SPEG: variants seen among roughly 807,000 people sequenced by gnomAD.
The protein encoded by SPEG is striated muscle enriched protein kinase, also known as striated muscle preferentially expressed protein kinase.
In SPEG, 114 loss-of-function variants were observed where a neutral mutation model predicts 300.4. The ratio of observed to expected loss-of-function variants is 0.38; its 90% CI spans 0.33 to 0.44. The LOEUF (loss-of-function observed/expected upper bound fraction) is 0.44, where lower values mean the gene tolerates loss of function less well. Among genes scored for constraint, SPEG ranks in the 20% least tolerant of loss-of-function variants. SPEG has a pLI of 1.00. For synonymous variants in SPEG, 1,964 were observed against 2,018.9 expected (o/e 0.97, Z 0.73); for missense variants, 4,201 against 4,586.2 (o/e 0.92, Z 2.43).
rs752689190 is a variant in SPEG, at chr2:219,477,009, G to A, written c.4560+27G>A. 1 of 1,565,200 alleles carries A rather than the reference G, an allele frequency of 6.4e-7. No homozygotes were observed. The highest frequency in any genetic ancestry group is 1.7e-5 in the Admixed American group (1 of 57,518). On this transcript the variant is annotated intron_variant, in intron 19 of 40. Coordinates refer to ENST00000312358, the MANE Select transcript of SPEG (RefSeq NM_005876.5). The surrounding 1 kb of genome is among the most constrained non-coding windows in gnomAD (Gnocchi z 6.4). The stretch of plus-strand genomic sequence containing the variant: ...TCAGAGTGTGCTGCTGGCTGAGCCT[G>A]GGGGAGGGAGGAGGGGCTCCCTGGG...
intron 4 of SPEG, 120 bp downstream of exon 4, chr2:219,449,391 C>A: frequency 1.3e-6 from 1 of 768,964 alleles, no homozygotes; most frequent in Non-Finnish European, 1.8e-6. Context: ...TGCTAGCCAG[C>A]TGCAAGGGTG....
Position 219,471,830 on chromosome 2 carries a change from C to T in SPEG, c.3716-38C>T, listed in dbSNP as rs144263966. ...TGGGCCTACCCCTCAAGGTATCCTC[C>T]GGGCTCAGGCCCAGTGTCACTGTCC... On this transcript the variant is annotated intron_variant, in intron 13 of 40. Coordinates refer to ENST00000312358, the MANE Select transcript of SPEG (RefSeq NM_005876.5). 382 of 1,612,262 alleles carry T rather than the reference C, an allele frequency of 2.4e-4. 1 individual carries two copies. The Middle Eastern group carries it at 3.1e-3, about 13-fold the overall frequency.
In SPEG at chr2:219,479,112, C is replaced by T. The variant is rs1278537985; in HGVS notation, c.5028-32C>T. The T allele has an allele frequency of 6.2e-7, 1 of 1,608,972 alleles. No homozygotes were observed. Among genetic ancestry groups the T allele is most frequent in the African/African-American group, 1.3e-5 (1 of 74,978 alleles). ...GCTGGGCTGGGCCGGGCAGTTGGCA[C>T]TGGGCACTGTTCTCCTTGATCTGGG... On this transcript the variant is annotated intron_variant, in intron 22 of 40. Coordinates refer to ENST00000312358, the MANE Select transcript of SPEG (RefSeq NM_005876.5). The surrounding 1 kb of genome is among the most constrained non-coding windows in gnomAD (Gnocchi z 5.5).
rs754856838 is a variant in SPEG, at chr2:219,483,646, C to T, written c.6183C>T (p.Gly2061=). The change falls in exon 30 of 41, where the codon GGC becomes GGT. Residue 2061 remains glycine, a synonymous_variant. Transcript: ENST00000312358. ...TRLARGGLGE[G]EYAQRLQALR... ...TGGCCCGGGGAGGCCTGGGTGAGGG[C>T]GAGTATGCCCAGAGGCTGCAGGCCC... 2.6e-6 allele frequency: 4 copies of T among 1,528,028 alleles called. No individual in the cohort carries two copies. The highest frequency in any genetic ancestry group is 2.3e-4 in the Middle Eastern group (1 of 4,444). The allele number at this position is 1,528,028 out of a possible 1,614,324, so 94.7% of individuals were successfully genotyped here.
chr2:219,492,053 T>G, intron 39 of SPEG, 58 bp from the exon 40 acceptor site: 1 of 1,558,970 alleles, frequency 6.4e-7, no homozygotes, highest in Non-Finnish European at 8.7e-7. Context: ...AATGTCCTTC[T>G]GGGTCTGGGT....
intron 37 of SPEG, 29 bp downstream of exon 37, chr2:219,490,677 G>A (rs1033873188): frequency 1.2e-6 from 2 of 1,609,528 alleles, no homozygotes; most frequent in African/African-American, 2.7e-5. Flanking sequence ...GGAGTAGGGA[G>A]GAAGAGGTAG....
Position 219,476,976 on chromosome 2 carries a change from G to A in SPEG, c.4554G>A (p.Trp1518Ter). 6.2e-7 allele frequency: 1 copy of A among 1,608,262 alleles called. No individual in the cohort carries two copies. Among genetic ancestry groups the A allele is most frequent in the Non-Finnish European group, 8.5e-7 (1 of 1,176,818 alleles). ...GAAAACCACTGCCGGACATCATGTG[G>A]TACAAGGTCAGAGTGTGCTGCTGGC... ...VEGKPLPDIM[W>*]YKDEVLLTES... The change falls in exon 19 of 41, where the codon TGG becomes TGA. Residue 1518 changes from tryptophan to a stop codon, truncating the protein, a stop_gained. Transcript: ENST00000312358. LOFTEE classifies it high-confidence loss of function.
In SPEG at chr2:219,473,823, G is replaced by A. The variant is rs765708100; in HGVS notation, c.4367G>A (p.Arg1456His). The change falls in exon 18 of 41, where the codon CGC becomes CAC. Residue 1456 changes from arginine to histidine, a missense_variant. By Grantham distance (29) the Arg-to-His change is conservative. Coordinates refer to ENST00000312358, the MANE Select transcript of SPEG (RefSeq NM_005876.5). This position sits in a 1 kb window ranked among gnomAD's most constrained non-coding sequence, Gnocchi z 4.6. ...QYCLRICRVS[R>H]RDMGALTCTA... ...TGTCTTCGGATCTGCCGGGTGAGCC[G>A]CCGGGACATGGGGGCCCTCACCTGC... 8.7e-6 allele frequency: 14 copies of A among 1,613,862 alleles called. No homozygotes were observed. The East Asian group carries it at 1.3e-4, about 15-fold the overall frequency.
Position 219,448,574 on chromosome 2 carries a change from G to A in SPEG, c.1416G>A (p.Gln472=). The A allele has an allele frequency of 5.5e-6, 8 of 1,453,058 alleles. No individual in the cohort carries two copies. Among genetic ancestry groups the A allele is most frequent in the Non-Finnish European group, 7.2e-6 (8 of 1,110,468 alleles). 90.0% of individuals were successfully genotyped at this position (1,453,058 alleles called of 1,614,324 possible). ...CCGAGCGGCGCCGCCTGTTCCAGCA[G>A]AAAGCGGCCTCGCTGGACGAGCGCA... is the stretch of plus-strand genomic sequence containing the variant. ...SVAERRRLFQ[Q]KAASLDERTR... Residue 472 remains glutamine (Q), a synonymous_variant, in exon 4 of 41, where the codon CAG becomes CAA. Coordinates refer to ENST00000312358, the MANE Select transcript of SPEG (RefSeq NM_005876.5).
Position 219,477,026 on chromosome 2 carries a change from C to T in SPEG, c.4560+44C>T, listed in dbSNP as rs1692410060. The T allele has an allele frequency of 6.6e-7, 1 of 1,510,854 alleles. No individual in the cohort carries two copies. Among genetic ancestry groups the T allele is most frequent in the Non-Finnish European group, 9.1e-7 (1 of 1,104,486 alleles). 93.6% of individuals were successfully genotyped at this position (1,510,854 alleles called of 1,614,324 possible). On this transcript the variant is annotated intron_variant, in intron 19 of 40. Coordinates refer to ENST00000312358, the MANE Select transcript of SPEG (RefSeq NM_005876.5). This position sits in a 1 kb window ranked among gnomAD's most constrained non-coding sequence, Gnocchi z 6.4. Reference sequence around the variant, plus strand: ...CTGAGCCTGGGGGAGGGAGGAGGGGCTCCCTGGGGGCGTGGGAGGGTCCTG... The same window carrying T: ...CTGAGCCTGGGGGAGGGAGGAGGGGTTCCCTGGGGGCGTGGGAGGGTCCTG...
At chr2:219,488,436 T>C (rs1209093402) in intron 32 of SPEG, 62 bp from the exon 33 acceptor site, 2 of 1,517,806 alleles carry the variant, frequency 1.3e-6, no homozygotes, top group Admixed American at 4.0e-5. Flanking sequence ...GGGGAGTGAG[T>C]GAGGGGGCCT....
chr2:219,435,400 C>T (rs1424144076), intron 1 of SPEG, 35 bp downstream of exon 1: 3 of 1,510,638 alleles, frequency 2.0e-6, no homozygotes, highest in South Asian at 1.2e-5. Context: ...CCGGCAGGGG[C>T]GGGGTGCTCA....
chr2:219,466,452 A>G, intron 9 of SPEG: 1 of 1,217,476 alleles, frequency 8.2e-7, no homozygotes, highest in Non-Finnish European at 1.0e-6. Context: ...CAGTCAGGGA[A>G]GGATGCCTCG....
Position 219,492,860 on chromosome 2 carries a change from C to T in SPEG, c.*74C>T, listed in dbSNP as rs1302324820. 6.8e-6 allele frequency: 10 copies of T among 1,462,894 alleles called. No homozygotes were observed. Among genetic ancestry groups the T allele is most frequent in the African/African-American group, 5.6e-5 (4 of 71,534 alleles). The allele number at this position is 1,462,894 out of a possible 1,614,324, so 90.6% of individuals were successfully genotyped here. Reference sequence around the variant, plus strand: ...ATGCCACGGGACATTCCAGGGCCCACGCTGAGCCAGGCGGGCCTGGGGCTT... The same window carrying T: ...ATGCCACGGGACATTCCAGGGCCCATGCTGAGCCAGGCGGGCCTGGGGCTT... On this transcript the variant is annotated 3_prime_UTR_variant, in exon 41 of 41. Coordinates refer to ENST00000312358, the MANE Select transcript of SPEG (RefSeq NM_005876.5).
chr2:219,485,239 C>T, intron 30 of SPEG, 107 bp from the exon 31 acceptor site: 1 of 1,501,774 alleles, frequency 6.7e-7, no homozygotes, highest in Non-Finnish European at 9.0e-7. Context: ...GGCGGCAGGG[C>T]TGGGTGGGCT....
Position 219,468,599 on chromosome 2 carries a change from G to A in SPEG, c.3164G>A (p.Arg1055Gln), listed in dbSNP as rs35181232. The change falls in exon 11 of 41, where the codon CGG becomes CAG. Residue 1055 changes from arginine (R) to glutamine (Q), a missense_variant. By Grantham distance (43) the Arg-to-Gln change is conservative (BLOSUM62 1). This residue lies in a region of SPEG where 1,047 missense variants were observed against 1,356.8 expected (regional missense o/e 0.77). Transcript: ENST00000312358. ...TAKDELTCSA[R>Q]LTVRPSLAPL... is the part of the protein sequence containing the mutation. ...ACAGATGAGCTGACCTGCAGTGCCC[G>A]GCTGACCGTGCGGCCCTCGTTGGCA... 17,664 of 1,613,274 alleles carry A rather than the reference G, an allele frequency of 0.011. 136 individuals carry two copies. Among genetic ancestry groups the A allele is most frequent in the South Asian group, 0.014 (1,280 of 91,048 alleles).
chr2:219,434,907 A>T lies in SPEG; in HGVS notation c.-71A>T. 1 of 1,146,588 alleles carries T rather than the reference A, an allele frequency of 8.7e-7. No homozygotes were observed. The highest frequency in any genetic ancestry group is 1.2e-6 in the Non-Finnish European group (1 of 845,202). 71.0% of individuals were successfully genotyped at this position (1,146,588 alleles called of 1,614,324 possible). On this transcript the variant is annotated 5_prime_UTR_variant, in exon 1 of 41. Transcript: ENST00000312358. ...CGCCGGCCCCCCAGACTTGTCTCCT[A>T]GGGCACCGTCCCGCGGGTGCCCCCG...
Position 219,481,515 on chromosome 2 carries a change from C to A in SPEG, c.5522+59C>A. On this transcript the variant is annotated intron_variant, in intron 27 of 40. Coordinates refer to ENST00000312358, the MANE Select transcript of SPEG (RefSeq NM_005876.5). The surrounding 1 kb of genome is among the most constrained non-coding windows in gnomAD (Gnocchi z 5.4). ...GGGTCACCCTCATACCACCTGCCTG[C>A]TACTCCCAAACTCCTGCCCCTCGAC... 1 of 1,606,730 alleles carries A rather than the reference C, an allele frequency of 6.2e-7. No individual in the cohort carries two copies. Among genetic ancestry groups the A allele is most frequent in the African/African-American group, 1.3e-5 (1 of 74,904 alleles).
Position 219,448,352 on chromosome 2 carries a change from C to G in SPEG, c.1194C>G (p.Ser398=). The G allele has an allele frequency of 3.2e-6, 5 of 1,587,272 alleles. No individual in the cohort carries two copies. The highest frequency in any genetic ancestry group is 4.3e-6 in the Non-Finnish European group (5 of 1,168,522). ...GRSPRLVRAG[S]RILDKLQFFE... is the part of the protein sequence containing the mutation. ...CGCCTAGGCTGGTGCGCGCCGGCTC[C>G]CGCATCCTGGACAAGCTGCAGTTCT... Residue 398 remains serine (S), a synonymous_variant, in exon 4 of 41, where the codon TCC becomes TCG. Transcript: ENST00000312358.
Sources: gnomAD v4.1 joint callset for allele counts on GRCh38, gnomAD v4.1.1 for gene constraint, gnomAD v4.1.1 regional missense constraint, Gnocchi (gnomAD v3.1) non-coding constraint, MANE v1.5 for transcripts, NCBI Gene and HGNC (gene_info 2026-07-23, HGNC 2026-07-21) for gene names.